The following LOC128462377 variants were observed in gnomAD, a reference collection of about 807,000 sequenced individuals.
At chr16:89,371,383 T>C in the LOC128462377 span, among the ~76,000 whole-genome samples, 1 of 152,198 alleles carries the variant, frequency 6.6e-6, no homozygotes. Context: ...TTTTATGTCA[T>C]TTAAATCAAG....
At chr16:89,381,284 A>G in the LOC128462377 span, among the ~76,000 whole-genome samples, 1 of 149,364 alleles carries the variant, frequency 6.7e-6, no homozygotes, top group African/African-American at 2.5e-5. Context: ...GTGAGGCGAC[A>G]ATGCGCCACT....
chr16:89,377,363 C>A, the LOC128462377 span, among the ~76,000 whole-genome samples: 2 of 151,780 alleles, frequency 1.3e-5, no homozygotes, highest in Non-Finnish European at 2.9e-5. Flanking sequence ...CTGTCAAACC[C>A]AAAACAATGA....
At chr16:89,373,725 C>T in the LOC128462377 span, among the ~76,000 whole-genome samples, 2 of 152,220 alleles carry the variant, frequency 1.3e-5, no homozygotes, top group South Asian at 2.1e-4. Context: ...CAACCCCACG[C>T]GGGAGGCATG....
chr16:89,353,806 G>A, the LOC128462377 span, among the ~76,000 whole-genome samples: 14 of 152,190 alleles, frequency 9.2e-5, no homozygotes, highest in African/African-American at 2.7e-4. Flanking sequence ...GGAACATAAT[G>A]TTTTTCATGA....
chr16:89,353,845 C>G, the LOC128462377 span, among the ~76,000 whole-genome samples: 3 of 152,206 alleles, frequency 2.0e-5, no homozygotes, highest in Admixed American at 1.3e-4. Context: ...ACACAACACA[C>G]ATCAGCCCTG....
the LOC128462377 span, among the ~76,000 whole-genome samples, chr16:89,328,698 G>A: frequency 1.4e-5 from 2 of 146,054 alleles, no homozygotes; most frequent in South Asian, 2.2e-4. Context: ...GAGCACGGGC[G>A]AAATCAGTGG....
the LOC128462377 span, chr16:89,323,275 C>G: frequency 7.8e-7 from 1 of 1,287,076 alleles, no homozygotes; most frequent in African/African-American, 1.5e-5. Flanking sequence ...GGCAGGCCTA[C>G]TGTGTGCAAA....
the LOC128462377 span, among the ~76,000 whole-genome samples, chr16:89,381,354 A>AAAAG: frequency 2.3e-4 from 29 of 125,340 alleles, no homozygotes; most frequent in African/African-American, 9.2e-4. Flanking sequence ...AAAAAAAAAA[A>AAAAG]GGGGTGAGAA....
the LOC128462377 span, among the ~76,000 whole-genome samples, chr16:89,350,074 C>G: frequency 3.9e-5 from 6 of 152,088 alleles, no homozygotes; most frequent in Non-Finnish European, 8.8e-5. Flanking sequence ...CCCTTCCCCC[C>G]ACCAAAAAAG....
At chr16:89,335,042 C>A in the LOC128462377 span, among the ~76,000 whole-genome samples, 2 of 152,144 alleles carry the variant, frequency 1.3e-5, no homozygotes, top group Non-Finnish European at 2.9e-5. Context: ...TGTGCCATTT[C>A]CTCCACGGAT....
the LOC128462377 span, among the ~76,000 whole-genome samples, chr16:89,354,275 G>A: frequency 1.4e-5 from 2 of 144,210 alleles, no homozygotes; most frequent in African/African-American, 5.1e-5. Flanking sequence ...ACTTCATGTT[G>A]AAACACTGTA....
chr16:89,379,812 G>A, the LOC128462377 span, among the ~76,000 whole-genome samples: 3 of 152,280 alleles, frequency 2.0e-5, no homozygotes, highest in South Asian at 2.1e-4. Flanking sequence ...TTAACATTCT[G>A]TTCAGCAAGA....
the LOC128462377 span, among the ~76,000 whole-genome samples, chr16:89,322,473 C>T: frequency 6.6e-6 from 1 of 152,232 alleles, no homozygotes; most frequent in African/African-American, 2.4e-5. Flanking sequence ...TGATTCAGCC[C>T]CTCCCCTCAC....
chr16:89,383,511 G>A, the LOC128462377 span, among the ~76,000 whole-genome samples: 6 of 152,224 alleles, frequency 3.9e-5, no homozygotes, highest in Admixed American at 3.3e-4. Context: ...TCCAGTGGAC[G>A]CTGCTGCCTC....
chr16:89,363,920 A>G, the LOC128462377 span, among the ~76,000 whole-genome samples: 1 of 152,172 alleles, frequency 6.6e-6, no homozygotes. Flanking sequence ...TTACCCAGGT[A>G]TGATGGCATA....
At chr16:89,322,798 C>T in the LOC128462377 span, among the ~76,000 whole-genome samples, 10 of 152,262 alleles carry the variant, frequency 6.6e-5, no homozygotes, top group African/African-American at 1.9e-4. Flanking sequence ...GGCCTGCCTG[C>T]AGCACACGGC....
At chr16:89,360,153 T>C in the LOC128462377 span, among the ~76,000 whole-genome samples, 2 of 152,198 alleles carry the variant, frequency 1.3e-5, no homozygotes, top group Admixed American at 1.3e-4. Flanking sequence ...TCAGAACATG[T>C]AGTATTTGGT....
At chr16:89,358,848 T>C in the LOC128462377 span, among the ~76,000 whole-genome samples, 3 of 151,862 alleles carry the variant, frequency 2.0e-5, no homozygotes, top group Admixed American at 6.5e-5. Flanking sequence ...TTTTTGAGAA[T>C]AGGGTCTCCC....
At chr16:89,353,344 A>G in the LOC128462377 span, among the ~76,000 whole-genome samples, 1 of 150,940 alleles carries the variant, frequency 6.6e-6, no homozygotes, top group African/African-American at 2.5e-5. Context: ...TCCAACTCCA[A>G]AAAAAAAGAG....
Sources: gnomAD v4.1 joint callset for allele counts (sites outside exome capture counted in the v4.1 genomes callset) on GRCh38, gnomAD v4.1.1 for gene constraint, MANE v1.5 for transcripts.